The following YTHDF2 variants were observed in gnomAD, a reference collection of about 807,000 sequenced individuals.
YTHDF2 encodes YTH N6-methyladenosine RNA binding protein F2.
A neutral mutation model predicts 50.4 loss-of-function variants in YTHDF2; 2 were observed. The ratio of observed to expected loss-of-function variants is 0.04; its 90% CI spans 0.02 to 0.12. The LOEUF is 0.12. Ranked by LOEUF, YTHDF2 falls within the 10% of genes least tolerant of loss-of-function variation. YTHDF2 has a pLI of 1.00. For missense variants in YTHDF2, 483 were observed against 722.6 expected (o/e 0.67, Z 3.80); for synonymous variants, 217 against 255.6 (o/e 0.85, Z 1.44).
chr1:28,757,623 G>A (rs2088053208), intron 4 of YTHDF2, among the ~76,000 whole-genome samples: 1 of 152,156 alleles, frequency 6.6e-6, no homozygotes, highest in South Asian at 2.1e-4. Context: ...ATAGCATATA[G>A]AACTTAAGCG....
intron 4 of YTHDF2, among the ~76,000 whole-genome samples, chr1:28,753,064 G>A (rs1338553665): frequency 1.3e-5 from 2 of 151,594 alleles, no homozygotes; most frequent in East Asian, 3.9e-4. Context: ...ATTTTTTTGA[G>A]GAAATATTCT....
At chr1:28,747,776 TAAAG>T (rs1292221719) in intron 4 of YTHDF2, among the ~76,000 whole-genome samples, 2 of 149,034 alleles carry the variant, frequency 1.3e-5, no homozygotes, top group East Asian at 4.3e-4. Flanking sequence ...AACCACCAAA[TAAAG>T]GCTTCAATTA....
chr1:28,763,625 T>C (rs1372355571), intron 4 of YTHDF2, among the ~76,000 whole-genome samples: 1 of 151,786 alleles, frequency 6.6e-6, no homozygotes, highest in Admixed American at 6.6e-5. Flanking sequence ...CCAACTAATT[T>C]TTTGTATTTT....
chr1:28,751,048 G>A (rs1178084530), intron 4 of YTHDF2, among the ~76,000 whole-genome samples: 2 of 131,678 alleles, frequency 1.5e-5, no homozygotes, highest in Admixed American at 8.5e-5. Flanking sequence ...AGCTGAGATT[G>A]TGCCACTGCA....
intron 4 of YTHDF2, among the ~76,000 whole-genome samples, chr1:28,746,614 G>T (rs1307618672): frequency 6.7e-6 from 1 of 150,368 alleles, no homozygotes; most frequent in South Asian, 2.1e-4. Context: ...AAAAAAATTA[G>T]CTGGGTGTGG....
At chr1:28,752,295 T>TA in intron 4 of YTHDF2, among the ~76,000 whole-genome samples, 1 of 99,946 alleles carries the variant, frequency 1.0e-5, no homozygotes, top group African/African-American at 5.4e-5. Flanking sequence ...GCTGTGGTGT[T>TA]TTTGTTGTTG....
chr1:28,742,332 C>T (rs2087789582), intron 3 of YTHDF2, 71 bp from the exon 4 acceptor site: 1 of 1,502,538 alleles, frequency 6.7e-7, no homozygotes, highest in South Asian at 1.4e-5. Context: ...AATTGCGTGA[C>T]TAGGTGGGGG....
At chr1:28,739,390 C>G (rs1358440965) in intron 3 of YTHDF2, among the ~76,000 whole-genome samples, 1 of 150,986 alleles carries the variant, frequency 6.6e-6, no homozygotes, top group African/African-American at 2.4e-5. Context: ...TCTCGGCTCA[C>G]TGCAACCTCT....
At position 28,743,073 on chromosome 1, in the gene YTHDF2, C is replaced by A; in HGVS notation, c.803C>A (p.Pro268Gln). The change falls in exon 4 of 5, where the codon CCG becomes CAG. Residue 268 changes from proline to glutamine, a missense_variant. Pro to Gln is a moderately conservative substitution (Grantham distance 76). Transcript: ENST00000373812. This position sits in a 1 kb window ranked among gnomAD's most constrained non-coding sequence, Gnocchi z 6.9. The stretch of plus-strand genomic sequence containing the variant: ...GCAGGGTCAAGTCTTCCGCCACCCC[C>A]GATAAAGCATAACATGGATATTGGA... ...GIAGSSLPPPPIKHNMDIGTW... is the reference protein window; with the variant it reads ...GIAGSSLPPPQIKHNMDIGTW... The A allele has an allele frequency of 6.2e-7, 1 of 1,614,160 alleles. No individual in the cohort carries two copies. The highest frequency in any genetic ancestry group is 8.5e-7 in the Non-Finnish European group (1 of 1,180,040).
intron 4 of YTHDF2, among the ~76,000 whole-genome samples, chr1:28,765,289 C>A (rs114662231): frequency 1.8e-3 from 275 of 152,248 alleles, no homozygotes; most frequent in Non-Finnish European, 3.0e-3. Context: ...CATGAGCCAC[C>A]ACACCCAGCC....
At chr1:28,744,826 G>A (rs373300068) in intron 4 of YTHDF2, among the ~76,000 whole-genome samples, 1 of 152,064 alleles carries the variant, frequency 6.6e-6, no homozygotes. Flanking sequence ...GCACCACCAT[G>A]CCCGGCTAGT....
At chr1:28,746,206 C>A (rs1249628152) in intron 4 of YTHDF2, among the ~76,000 whole-genome samples, 2 of 152,008 alleles carry the variant, frequency 1.3e-5, no homozygotes, top group African/African-American at 4.8e-5. Flanking sequence ...GATTTATAGA[C>A]GTCTGAGGGG....
chr1:28,757,385 G>A (rs2088049299), intron 4 of YTHDF2, among the ~76,000 whole-genome samples: 1 of 152,148 alleles, frequency 6.6e-6, no homozygotes, highest in Admixed American at 6.5e-5. Context: ...TCCCCTGTGT[G>A]AACTGTTGGA....
intron 4 of YTHDF2, among the ~76,000 whole-genome samples, chr1:28,767,004 GA>G (rs2088229403): frequency 7.1e-6 from 1 of 140,210 alleles, no homozygotes; most frequent in African/African-American, 3.0e-5. Context: ...CTAATTAAAA[GA>G]TTTTTTTTTT....
At chr1:28,737,523 C>T (rs1353598742) in intron 1 of YTHDF2, 135 bp from the exon 2 acceptor site, 24 of 1,231,214 alleles carry the variant, frequency 1.9e-5, no homozygotes, top group East Asian at 1.3e-4. Flanking sequence ...TCAGCCTCTT[C>T]CTCACTACCA....
intron 4 of YTHDF2, among the ~76,000 whole-genome samples, chr1:28,765,677 T>C (rs372413513): frequency 1.3e-5 from 2 of 152,272 alleles, no homozygotes; most frequent in South Asian, 4.1e-4. Context: ...GGTCTTGAAC[T>C]CCTGGCCTCA....
chr1:28,765,973 A>G (rs1309024692), intron 4 of YTHDF2, among the ~76,000 whole-genome samples: 1 of 152,218 alleles, frequency 6.6e-6, no homozygotes, highest in East Asian at 1.9e-4. Flanking sequence ...AATTGACACA[A>G]TGTTGTTACC....
chr1:28,752,915 G>A (rs900054185), intron 4 of YTHDF2, among the ~76,000 whole-genome samples: 27 of 151,664 alleles, frequency 1.8e-4, no homozygotes, highest in African/African-American at 6.1e-4. Context: ...ACTTGGTGGC[G>A]CATAACTAAA....
chr1:28,753,328 C>T (rs2087984070), intron 4 of YTHDF2, among the ~76,000 whole-genome samples: 1 of 110,176 alleles, frequency 9.1e-6, no homozygotes, highest in Admixed American at 1.4e-4. Flanking sequence ...TTGAGACCAG[C>T]CTAGGCAACA....
Sources: gnomAD v4.1 joint callset for allele counts (sites outside exome capture counted in the v4.1 genomes callset) on GRCh38, gnomAD v4.1.1 for gene constraint, Gnocchi (gnomAD v3.1) non-coding constraint, MANE v1.5 for transcripts, NCBI Gene and HGNC (gene_info 2026-07-23, HGNC 2026-07-21) for gene names.